The following ZC3H4 variants were observed in gnomAD, a reference collection of about 807,000 sequenced individuals.
The protein encoded by ZC3H4 is zinc finger CCCH domain-containing protein 4.
Under a neutral mutation model 108.3 loss-of-function variants are expected in ZC3H4, and 13 were observed. That is an observed-to-expected ratio of 0.12 (90% CI 0.08 to 0.19). The LOEUF is 0.19. ZC3H4 is among the 10% of genes least tolerant of loss of function. ZC3H4 has a pLI of 1.00. For synonymous variants in ZC3H4, 917 were observed against 749.6 expected (o/e 1.22, Z -3.65); for missense variants, 1,734 against 1,838.8 (o/e 0.94, Z 1.04).
At chr19:47,077,161 GA>G (rs908816683) in intron 11 of ZC3H4, among the ~76,000 whole-genome samples, 8 of 142,324 alleles carry the variant, frequency 5.6e-5, no homozygotes, top group South Asian at 2.3e-4. Flanking sequence ...TTCCGTCTTG[GA>G]AAAAAAAAAC....
At position 47,086,511 on chromosome 19, in the gene ZC3H4, C is replaced by T; in HGVS notation, c.743G>A (p.Arg248Lys). Residue 248 changes from arginine to lysine, a missense_variant, in exon 6 of 15, where the codon AGG becomes AAG. Arg to Lys is a conservative substitution (Grantham distance 26, BLOSUM62 2). Coordinates refer to ENST00000253048, the MANE Select transcript of ZC3H4 (RefSeq NM_015168.2). ...RGSRGRGRGY[R>K]GRGSRGGSRG... ...CGATCCTCCACGGCTTCCTCGGCCC[C>T]TGTAGCCCCGGCCCCGGCCTCGGCT... is the stretch of plus-strand genomic sequence containing the variant. 4 of 1,601,704 alleles carry T rather than the reference C, an allele frequency of 2.5e-6. No homozygotes were observed. Among genetic ancestry groups the T allele is most frequent in the Non-Finnish European group, 1.7e-6 (2 of 1,177,390 alleles).
chr19:47,112,126 G>C, intron 2 of ZC3H4: 3 of 1,082,176 alleles, frequency 2.8e-6, no homozygotes, highest in Non-Finnish European at 3.4e-6. Flanking sequence ...GGGCGCGGGG[G>C]GTCCGAGGGG....
At chr19:47,093,620 G>C (rs957984553) in intron 4 of ZC3H4, 12 of 171,210 alleles carry the variant, frequency 7.0e-5, no homozygotes, top group Non-Finnish European at 1.5e-4. Context: ...ACAGGATCTT[G>C]CTCTGTCTGT....
At chr19:47,109,364 A>G (rs1466920307) in intron 2 of ZC3H4, among the ~76,000 whole-genome samples, 1 of 152,214 alleles carries the variant, frequency 6.6e-6, no homozygotes, top group Non-Finnish European at 1.5e-5. Context: ...TTCACTTACA[A>G]AAGAAATCTC....
At chr19:47,089,617 G>C (rs575455742) in intron 5 of ZC3H4, among the ~76,000 whole-genome samples, 9 of 152,198 alleles carry the variant, frequency 5.9e-5, no homozygotes, top group Non-Finnish European at 1.2e-4. Context: ...CAGGTGATGG[G>C]GCTGGGAGAA....
Position 47,072,722 on chromosome 19 carries a change from G to A in ZC3H4, c.1441-9C>T, listed in dbSNP as rs2057353284. On this transcript the variant is annotated splice_polypyrimidine_tract_variant and intron_variant, in intron 11 of 14. Coordinates refer to ENST00000253048, the MANE Select transcript of ZC3H4 (RefSeq NM_015168.2). This position sits in a 1 kb window ranked among gnomAD's most constrained non-coding sequence, Gnocchi z 5.6. ...GCATCATCGGCCAACATCTGCGGGT[G>A]TGAAAGAACAAAAGAAGGTGTGGAC... 1.2e-6 allele frequency: 2 copies of A among 1,613,088 alleles called. No homozygotes were observed. Among genetic ancestry groups the A allele is most frequent in the Non-Finnish European group, 1.7e-6 (2 of 1,179,986 alleles).
intron 2 of ZC3H4, among the ~76,000 whole-genome samples, chr19:47,100,749 A>G (rs143982179): frequency 0.018 from 2,666 of 152,050 alleles, 70 homozygotes; most frequent in African/African-American, 0.061. Context: ...CCCAGGCTGG[A>G]GTGCAGTGGC....
chr19:47,070,099 A>G (rs1054421955), intron 13 of ZC3H4, among the ~76,000 whole-genome samples: 4 of 151,116 alleles, frequency 2.6e-5, no homozygotes, highest in African/African-American at 4.9e-5. Context: ...TGTGTGACAC[A>G]TGTGAGCATG....
chr19:47,086,435 C>T lies in ZC3H4; in HGVS notation c.819G>A (p.Met273Ile). The change falls in exon 6 of 15, where the codon ATG becomes ATA. Residue 273 changes from methionine to isoleucine, a missense_variant. This residue lies in a region of ZC3H4 where 403 missense variants were observed against 457.0 expected (regional missense o/e 0.88). Coordinates refer to ENST00000253048, the MANE Select transcript of ZC3H4 (RefSeq NM_015168.2). The stretch of plus-strand genomic sequence containing the variant: ...CTTCATCCTCCGGGTGGTCTCCTCC[C>T]ATAGAGCCTCTGCCCCTGCCTCGGC... ...RGSRGRGRGSMGGDHPEDEED... is the reference protein window; with the variant it reads ...RGSRGRGRGSIGGDHPEDEED... 1.9e-6 allele frequency: 3 copies of T among 1,613,404 alleles called. No individual in the cohort carries two copies. Among genetic ancestry groups the T allele is most frequent in the Non-Finnish European group, 2.5e-6 (3 of 1,179,844 alleles).
In ZC3H4 at chr19:47,067,236, C is replaced by T. The variant is rs777123584; in HGVS notation, c.3032G>A (p.Arg1011Gln). 9.3e-6 allele frequency: 15 copies of T among 1,604,526 alleles called. No individual in the cohort carries two copies. The highest frequency in any genetic ancestry group is 1.7e-4 in the Middle Eastern group (1 of 6,016). ...ALQSMPTLDPRLHRAATAGPP... is the reference protein window; with the variant it reads ...ALQSMPTLDPQLHRAATAGPP... Reference sequence around the variant, plus strand: ...CCCTGCCGTGGCAGCGCGGTGCAGCCGGGGGTCCAGGGTGGGCATGGATTG... The same window carrying T: ...CCCTGCCGTGGCAGCGCGGTGCAGCTGGGGGTCCAGGGTGGGCATGGATTG... Residue 1011 changes from arginine to glutamine, a missense_variant, in exon 15 of 15, where the codon CGG becomes CAG. Physicochemically the swap from Arg to Gln is conservative, Grantham distance 43 (BLOSUM62 1). Transcript: ENST00000253048. This position sits in a 1 kb window ranked among gnomAD's most constrained non-coding sequence, Gnocchi z 6.4.
intron 2 of ZC3H4, among the ~76,000 whole-genome samples, chr19:47,111,791 A>G (rs530495335): frequency 6.6e-6 from 1 of 151,926 alleles, no homozygotes; most frequent in Non-Finnish European, 1.5e-5. Flanking sequence ...CCCAATTACA[A>G]GGATGGAGAA....
chr19:47,089,681 G>C (rs2057696409), intron 5 of ZC3H4, among the ~76,000 whole-genome samples: 1 of 144,458 alleles, frequency 6.9e-6, no homozygotes, highest in South Asian at 2.2e-4. Flanking sequence ...CCATGGCCCA[G>C]GTGAAAGAGA....
At chr19:47,102,821 A>G (rs627442) in intron 2 of ZC3H4, among the ~76,000 whole-genome samples, 2 of 152,132 alleles carry the variant, frequency 1.3e-5, no homozygotes, top group Non-Finnish European at 2.9e-5. Flanking sequence ...AAGCAATACA[A>G]AAATCCCAGG....
chr19:47,089,033 CCG>C (rs1481442752), intron 5 of ZC3H4, among the ~76,000 whole-genome samples: 1 of 151,746 alleles, frequency 6.6e-6, no homozygotes, highest in East Asian at 2.0e-4. Context: ...TGGTGAAACT[CCG>C]TCTCTACTAA....
At chr19:47,090,733 C>A (rs183719501) in intron 4 of ZC3H4, among the ~76,000 whole-genome samples, 10 of 152,286 alleles carry the variant, frequency 6.6e-5, no homozygotes, top group African/African-American at 1.4e-4. Flanking sequence ...TATATCCAGA[C>A]AATGGAGTAA....
chr19:47,105,103 G>A (rs561693728), intron 2 of ZC3H4, among the ~76,000 whole-genome samples: 4 of 152,210 alleles, frequency 2.6e-5, no homozygotes, highest in South Asian at 2.1e-4. Flanking sequence ...CCACCCTCTC[G>A]AGGGCCAACT....
rs748449504 is a variant in ZC3H4, at chr19:47,084,473, T to C, written c.1108-18A>G. The C allele has an allele frequency of 6.2e-7, 1 of 1,613,100 alleles. No homozygotes were observed. The highest frequency in any genetic ancestry group is 1.1e-5 in the South Asian group (1 of 91,044). On this transcript the variant is annotated intron_variant, in intron 8 of 14. Coordinates refer to ENST00000253048, the MANE Select transcript of ZC3H4 (RefSeq NM_015168.2). The stretch of plus-strand genomic sequence containing the variant: ...CCACCGTCCTGCAATGGACAGGGTG[T>C]GGACGTAAAGGGGAATGAAAGGGAA...
chr19:47,084,392 T>TCTTGTCCGACTGCTGGTGGGG lies in ZC3H4; in HGVS notation c.1150_1170dup (p.Pro384_Lys390dup). ...AAGTACTTGCAAATGACTTTGCCTTTCTTGTCCGACTGCTGGTGGGGCTTG... is the reference window on the plus strand; with the variant it reads ...AAGTACTTGCAAATGACTTTGCCTTTCTTGTCCGACTGCTGGTGGGGCTTGTCCGACTGCTGGTGGGGCTTG... On this transcript the variant is annotated inframe_insertion, in exon 9 of 15. Coordinates refer to ENST00000253048, the MANE Select transcript of ZC3H4 (RefSeq NM_015168.2). 1 of 1,614,210 alleles carries TCTTGTCCGACTGCTGGTGGGG rather than the reference T, an allele frequency of 6.2e-7. No homozygotes were observed. Among genetic ancestry groups the TCTTGTCCGACTGCTGGTGGGG allele is most frequent in the Non-Finnish European group, 8.5e-7 (1 of 1,180,034 alleles).
chr19:47,085,248 C>CCCCGCCAG, intron 7 of ZC3H4, 53 bp from the exon 8 acceptor site: 1 of 1,574,422 alleles, frequency 6.4e-7, no homozygotes, highest in Non-Finnish European at 8.7e-7. Context: ...CCCCCACCCC[C>CCCCGCCAG]AGGACTAGAT....
Sources: gnomAD v4.1 joint callset for allele counts (sites outside exome capture counted in the v4.1 genomes callset) on GRCh38, gnomAD v4.1.1 for gene constraint, gnomAD v4.1.1 regional missense constraint, Gnocchi (gnomAD v3.1) non-coding constraint, MANE v1.5 for transcripts, NCBI Gene and HGNC (gene_info 2026-07-23, HGNC 2026-07-21) for gene names.